ASTN2: variants seen among roughly 807,000 people sequenced by gnomAD.
The protein encoded by ASTN2 is astrotactin 2.
A neutral mutation model predicts 139.8 loss-of-function variants in ASTN2; 54 were observed. That is an observed-to-expected ratio of 0.39 (90% confidence interval 0.31 to 0.48). ASTN2 has a LOEUF of 0.48. Ranked by LOEUF, ASTN2 falls within the 20% of genes least tolerant of loss-of-function variation. The probability of loss-of-function intolerance (pLI) is 0.95; values close to 1 mark genes in which losing one functional copy is unlikely to be tolerated. For synonymous variants in ASTN2, 756 were observed against 719.5 expected (o/e 1.05, Z -0.81); for missense variants, 1,565 against 1,725.1 (o/e 0.91, Z 1.64).
At chr9:116,660,203 C>CAT (rs1554727039) in intron 16 of ASTN2, among the ~76,000 whole-genome samples, 1 of 149,884 alleles carries the variant, frequency 6.7e-6, no homozygotes, top group Non-Finnish European at 1.5e-5. Context: ...CACACACACA[C>CAT]ATTTGGGGAA....
At chr9:117,119,344 T>C (rs1587983566) in intron 4 of ASTN2, among the ~76,000 whole-genome samples, 1 of 152,204 alleles carries the variant, frequency 6.6e-6, no homozygotes, top group Non-Finnish European at 1.5e-5. Flanking sequence ...TATTTCCCAA[T>C]TGCTTCTGAG....
intron 2 of ASTN2, among the ~76,000 whole-genome samples, chr9:117,280,794 A>T (rs1834306217): frequency 2.0e-5 from 3 of 152,124 alleles, no homozygotes; most frequent in Admixed American, 2.0e-4. Flanking sequence ...CTGTAAAGTC[A>T]CTATTTTCCT....
chr9:116,423,960 G>C lies in ASTN2; in HGVS notation c.*1891C>G, dbSNP rs1269384347. ...TATTTTGAATGGCTTATGTTTTATT[G>C]ATATTCAGTATCTTTTCCTCTTCTG... is the stretch of plus-strand genomic sequence containing the variant. On this transcript the variant is annotated 3_prime_UTR_variant, in exon 23 of 23. Coordinates refer to ENST00000313400, the MANE Select transcript of ASTN2 (RefSeq NM_001365068.1). 6.6e-6 allele frequency among the ~76,000 whole-genome samples: 1 copy of C among 152,148 alleles called. No homozygotes were observed. The highest frequency in any genetic ancestry group is 2.1e-4 in the South Asian group (1 of 4,812).
intron 1 of ASTN2, among the ~76,000 whole-genome samples, chr9:117,331,159 T>C (rs72764165): frequency 0.14 from 20,976 of 152,186 alleles, 1,592 homozygotes; most frequent in African/African-American, 0.18. Flanking sequence ...AGAAGTCATA[T>C]GTCCTATGTC....
chr9:116,605,482 G>A (rs1173865426), intron 19 of ASTN2, among the ~76,000 whole-genome samples: 1 of 152,124 alleles, frequency 6.6e-6, no homozygotes, highest in African/African-American at 2.4e-5. Flanking sequence ...AAAATGCATG[G>A]GGGTGTGGTG....
chr9:116,578,022 C>G (rs1417121989), intron 19 of ASTN2, among the ~76,000 whole-genome samples: 1 of 152,140 alleles, frequency 6.6e-6, no homozygotes, highest in Non-Finnish European at 1.5e-5. Flanking sequence ...AAACGGGAAC[C>G]TTACTCTGAA....
At chr9:117,006,856 C>T (rs753824762) in intron 7 of ASTN2, among the ~76,000 whole-genome samples, 17 of 152,140 alleles carry the variant, frequency 1.1e-4, no homozygotes, top group Admixed American at 2.6e-4. Flanking sequence ...ATGGCTCACA[C>T]GTGTAATCCC....
chr9:117,007,415 T>C (rs1837388693), intron 7 of ASTN2, among the ~76,000 whole-genome samples: 1 of 152,216 alleles, frequency 6.6e-6, no homozygotes, highest in African/African-American at 2.4e-5. Context: ...TGTGTGGCTA[T>C]GGAACACTTG....
chr9:116,904,265 G>A (rs941260520), intron 10 of ASTN2, among the ~76,000 whole-genome samples: 5 of 152,140 alleles, frequency 3.3e-5, no homozygotes, highest in Admixed American at 2.0e-4. Context: ...GGAGCATCAG[G>A]GGTTAAGGCT....
intron 5 of ASTN2, among the ~76,000 whole-genome samples, chr9:117,065,726 C>A (rs1451936129): frequency 1.3e-5 from 2 of 152,184 alleles, no homozygotes; most frequent in Non-Finnish European, 2.9e-5. Flanking sequence ...AATTATAGAA[C>A]CCACAGCCAC....
chr9:116,522,932 A>C (rs1012977834), intron 19 of ASTN2, among the ~76,000 whole-genome samples: 6 of 152,204 alleles, frequency 3.9e-5, no homozygotes, highest in Non-Finnish European at 5.9e-5. Flanking sequence ...AATAAAATTT[A>C]GAAATTCTAC....
intron 10 of ASTN2, among the ~76,000 whole-genome samples, chr9:116,885,982 T>G (rs1833586347): frequency 6.6e-6 from 1 of 152,250 alleles, no homozygotes. Context: ...GTCTTTTCTT[T>G]ATGTCAAAGG....
At chr9:117,397,926 A>G (rs924228985) in intron 1 of ASTN2, among the ~76,000 whole-genome samples, 6 of 152,182 alleles carry the variant, frequency 3.9e-5, no homozygotes, top group African/African-American at 1.4e-4. Context: ...GGTTGTAATA[A>G]CTAGTCCCTT....
At chr9:117,407,470 C>G (rs1299070356) in intron 1 of ASTN2, among the ~76,000 whole-genome samples, 2 of 152,232 alleles carry the variant, frequency 1.3e-5, no homozygotes, top group Admixed American at 1.3e-4. Context: ...TTGACAGTGA[C>G]TGCAGTGCTG....
At chr9:116,809,882 T>C (rs573152646) in intron 12 of ASTN2, among the ~76,000 whole-genome samples, 26 of 152,300 alleles carry the variant, frequency 1.7e-4, no homozygotes, top group African/African-American at 4.8e-4. Flanking sequence ...GAAGGGGCCA[T>C]GTAACTGGAT....
At chr9:116,803,585 C>T (rs1218175570) in intron 13 of ASTN2, among the ~76,000 whole-genome samples, 3 of 140,994 alleles carry the variant, frequency 2.1e-5, no homozygotes, top group East Asian at 2.0e-4. Flanking sequence ...AGTGCAGTGG[C>T]GTAATCTCAG....
At chr9:116,570,311 C>T (rs773954100) in intron 19 of ASTN2, among the ~76,000 whole-genome samples, 1 of 152,132 alleles carries the variant, frequency 6.6e-6, no homozygotes, top group Non-Finnish European at 1.5e-5. Flanking sequence ...TTACTTAACC[C>T]TTTCTCTCTT....
rs144043221 is a variant in ASTN2, at chr9:117,151,413, G to A, written c.1016-9935C>T. ...ACAATGGAGTTCTTCATTCAATACCGTTAGTGGATGCTGTATCCAGGGCCA... is the reference window on the plus strand; with the variant it reads ...ACAATGGAGTTCTTCATTCAATACCATTAGTGGATGCTGTATCCAGGGCCA... On this transcript the variant is annotated intron_variant, in intron 3 of 22. Transcript: ENST00000313400. Among the ~76,000 whole-genome samples, 660 of 152,208 alleles carry A rather than the reference G, an allele frequency of 4.3e-3. 3 individuals are homozygous for A. Among genetic ancestry groups the A allele is most frequent in the African/African-American group, 0.014 (585 of 41,542 alleles).
chr9:116,485,736 C>G (rs1015494682), intron 20 of ASTN2, among the ~76,000 whole-genome samples: 6 of 152,274 alleles, frequency 3.9e-5, no homozygotes, highest in African/African-American at 1.4e-4. Context: ...GCATTCACTG[C>G]CCCCCAGGTG....
Sources: allele counts gnomAD v4.1 joint callset (sites outside exome capture counted in the v4.1 genomes callset), GRCh38; gene constraint gnomAD v4.1.1; transcripts MANE v1.5; gene names NCBI Gene and HGNC (gene_info 2026-07-23, HGNC 2026-07-21).